The following ZFAT variants were observed in gnomAD, a reference collection of about 807,000 sequenced individuals.
The protein encoded by ZFAT is zinc finger protein ZFAT.
Under a neutral mutation model 117.7 loss-of-function variants are expected in ZFAT, and 64 were observed. That is an observed-to-expected ratio of 0.54 (90% CI 0.44 to 0.67). ZFAT has a LOEUF of 0.67. Ranked by LOEUF, ZFAT falls within the 30% of genes least tolerant of loss-of-function variation. ZFAT has a pLI of 0.00. For missense variants in ZFAT, 1,433 were observed against 1,584.5 expected, an observed-to-expected ratio of 0.90 and a Z score of 1.62; for synonymous variants, 679 against 615.0, an observed-to-expected ratio of 1.10 and a Z score of -1.54.
chr8:134,810,306 T>C, the ZFAT span, among the ~76,000 whole-genome samples: 1 of 152,150 alleles, frequency 6.6e-6, no homozygotes, highest in East Asian at 1.9e-4. Context: ...AAAATAAGGA[T>C]TGAAGAGACC....
rs759112791 is a variant in ZFAT at position 134,601,465 on chromosome 8, G to A, written c.2242+12C>T. ...GTGGACAGGGCCACGCACCGGCGCT[G>A]CCTTTCCTTACCACAGTATTCACAC... is the stretch of plus-strand genomic sequence containing the variant. On this transcript the variant is annotated intron_variant, in intron 6 of 15. Transcript: ENST00000377838. 1 of 1,594,426 alleles carries A rather than the reference G, an allele frequency of 6.3e-7. No homozygotes were observed. Among genetic ancestry groups the A allele is most frequent in the South Asian group, 1.1e-5 (1 of 88,744 alleles).
intron 1 of ZFAT, chr8:134,696,474 G>C: frequency 1.0e-6 from 1 of 985,636 alleles, no homozygotes; most frequent in Non-Finnish European, 1.2e-6. Flanking sequence ...GATGCTGGGC[G>C]CCTCCGCCGC....
At chr8:134,499,925 G>C (rs1397284969) in intron 15 of ZFAT, among the ~76,000 whole-genome samples, 1 of 152,204 alleles carries the variant, frequency 6.6e-6, no homozygotes, top group South Asian at 2.1e-4. Context: ...AGGAGGAGTA[G>C]GAAGGAGGGG....
chr8:134,607,031 G>C (rs4909310), intron 5 of ZFAT, among the ~76,000 whole-genome samples: 56,899 of 151,562 alleles, frequency 0.38, 11,527 homozygotes, highest in East Asian at 0.53. Context: ...CTCTTTTATA[G>C]TTATCTTATA....
chr8:134,554,039 G>A (rs769804414), intron 11 of ZFAT, among the ~76,000 whole-genome samples: 5 of 152,220 alleles, frequency 3.3e-5, no homozygotes, highest in African/African-American at 4.8e-5. Context: ...CACGGGGAAT[G>A]CTGCATTGAT....
chr8:134,720,342 T>C, the ZFAT span, among the ~76,000 whole-genome samples: 9 of 152,224 alleles, frequency 5.9e-5, no homozygotes, highest in African/African-American at 2.2e-4. Flanking sequence ...AACTTAGTAT[T>C]GTGGGAAGCT....
intron 9 of ZFAT, 50 bp from the exon 10 acceptor site, chr8:134,584,055 C>A: frequency 6.6e-7 from 1 of 1,507,598 alleles, no homozygotes; most frequent in Non-Finnish European, 9.0e-7. Flanking sequence ...TACGTTTATG[C>A]ATATGTGTGA....
chr8:134,703,136 C>G (rs1834060329), intron 1 of ZFAT, among the ~76,000 whole-genome samples: 1 of 152,190 alleles, frequency 6.6e-6, no homozygotes, highest in Non-Finnish European at 1.5e-5. Flanking sequence ...TATCAAAGTT[C>G]CAGCTGCTTC....
chr8:134,488,115 C>T (rs929643413), intron 15 of ZFAT, among the ~76,000 whole-genome samples: 7 of 152,180 alleles, frequency 4.6e-5, no homozygotes, highest in African/African-American at 1.4e-4. Flanking sequence ...TCCAGGGGGA[C>T]GTCTAGGGAA....
chr8:134,600,249 G>A (rs930532857), intron 7 of ZFAT, 187 bp downstream of exon 7: 85 of 658,808 alleles, frequency 1.3e-4, no homozygotes, highest in Admixed American at 2.1e-4. Context: ...TTTTTTCAAC[G>A]TATTAGAGAC....
intron 11 of ZFAT, among the ~76,000 whole-genome samples, chr8:134,556,227 G>A (rs1400503387): frequency 6.6e-6 from 1 of 151,984 alleles, no homozygotes; most frequent in African/African-American, 2.4e-5. Context: ...TTGAAGAAAG[G>A]CAAATAGAAA....
intron 1 of ZFAT, among the ~76,000 whole-genome samples, chr8:134,672,182 A>G (rs1482013487): frequency 6.6e-6 from 1 of 152,264 alleles, no homozygotes; most frequent in Non-Finnish European, 1.5e-5. Context: ...ATACTGCCCA[A>G]GGTAATTTAT....
At chr8:134,692,510 T>A (rs1200344509) in intron 1 of ZFAT, among the ~76,000 whole-genome samples, 2 of 152,208 alleles carry the variant, frequency 1.3e-5, no homozygotes, top group Non-Finnish European at 2.9e-5. Context: ...CCATTCTCTG[T>A]TCATGCCCCA....
At chr8:134,826,816 G>A in the ZFAT span, among the ~76,000 whole-genome samples, 1 of 152,164 alleles carries the variant, frequency 6.6e-6, no homozygotes, top group Non-Finnish European at 1.5e-5. Flanking sequence ...TTTGGCAACT[G>A]AAATTCAAAC....
At chr8:134,825,957 C>CT in the ZFAT span, among the ~76,000 whole-genome samples, 1 of 150,508 alleles carries the variant, frequency 6.6e-6, no homozygotes. Context: ...AGAGGCGGAG[C>CT]TTGCAGTGAG....
chr8:134,701,724 G>T (rs532658570), intron 1 of ZFAT, among the ~76,000 whole-genome samples: 1 of 152,188 alleles, frequency 6.6e-6, no homozygotes, highest in African/African-American at 2.4e-5. Context: ...CCAGGTTGTT[G>T]CCTGCATCAC....
rs1340902155 is a variant in ZFAT at position 134,576,401 on chromosome 8, G to A, written c.2887+7431C>T. On this transcript the variant is annotated intron_variant, in intron 10 of 15. Coordinates refer to ENST00000377838, the MANE Select transcript of ZFAT (RefSeq NM_020863.4). Reference sequence around the variant, plus strand: ...CACCCAGACTCCAGCCCAGTGATAAGCAACAGAAATCTACCATGTTCATCC... The same window carrying A: ...CACCCAGACTCCAGCCCAGTGATAAACAACAGAAATCTACCATGTTCATCC... Among the ~76,000 whole-genome samples the A allele has an allele frequency of 5.9e-5, 9 of 152,178 alleles. No homozygotes were observed. In the East Asian group the frequency reaches 1.4e-3, roughly 23 times the overall value.
chr8:134,566,573 G>A (rs931413627), intron 10 of ZFAT, among the ~76,000 whole-genome samples: 1 of 152,086 alleles, frequency 6.6e-6, no homozygotes, highest in African/African-American at 2.4e-5. Context: ...GGCCTACTTC[G>A]TATAGCAGTA....
chr8:134,611,288 C>G (rs1277409935), intron 3 of ZFAT, among the ~76,000 whole-genome samples: 1 of 152,196 alleles, frequency 6.6e-6, no homozygotes, highest in African/African-American at 2.4e-5. Context: ...ATGTGCGAAG[C>G]AATGGTCAGG....
Sources: gnomAD v4.1 joint callset for allele counts (sites outside exome capture counted in the v4.1 genomes callset) on GRCh38, gnomAD v4.1.1 for gene constraint, MANE v1.5 for transcripts, NCBI Gene and HGNC (gene_info 2026-07-23, HGNC 2026-07-21) for gene names.